ARG2: variants seen among roughly 807,000 people sequenced by gnomAD.
ARG2 encodes arginase-2, mitochondrial.
In ARG2, 21 loss-of-function variants were observed where a neutral mutation model predicts 39.4. That is an observed-to-expected ratio of 0.53 (90% CI 0.38 to 0.77). The LOEUF is 0.77. Ranked by LOEUF, ARG2 falls within the 30% of genes least tolerant of loss-of-function variation. The pLI, the probability that ARG2 is intolerant of heterozygous loss-of-function variation, is 0.00. For synonymous variants in ARG2, 150 were observed against 156.7 expected, an observed-to-expected ratio of 0.96 and a Z score of 0.32; for missense variants, 378 against 426.2, an observed-to-expected ratio of 0.89 and a Z score of 1.00.
intron 2 of ARG2, among the ~76,000 whole-genome samples, chr14:67,627,256 G>GATAGATATATATATATATAT (rs1555379492): frequency 2.2e-5 from 3 of 133,746 alleles, no homozygotes; most frequent in Admixed American, 7.7e-5. Flanking sequence ...TCAGTAAGGA[G>GATAGATATATATATATATAT]ATATATATAT....
At chr14:67,623,661 C>T (rs1331845209) in intron 2 of ARG2, among the ~76,000 whole-genome samples, 1 of 149,668 alleles carries the variant, frequency 6.7e-6, no homozygotes, top group African/African-American at 2.4e-5. Context: ...CCTGCCTCAA[C>T]CTCCAAAGTA....
At chr14:67,636,852 G>C (rs1316621169) in intron 2 of ARG2, among the ~76,000 whole-genome samples, 1 of 152,128 alleles carries the variant, frequency 6.6e-6, no homozygotes, top group Non-Finnish European at 1.5e-5. Flanking sequence ...GAAATTTCAG[G>C]CTCCTCTTGT....
At position 67,642,306 on chromosome 14, in the gene ARG2, T is replaced by C; in HGVS notation, c.305T>C (p.Val102Ala). 1.9e-6 allele frequency: 3 copies of C among 1,613,944 alleles called. No individual in the cohort carries two copies. The highest frequency in any genetic ancestry group is 2.5e-6 in the Non-Finnish European group (3 of 1,179,972). The part of the protein sequence containing the change: ...VGLANQELAE[V>A]VSRAVSDGYS... ...CTTGCCAACCAGGAACTGGCTGAGGTGGTTAGCAGAGCTGTGTCAGATGGC... is the reference window on the plus strand; with the variant it reads ...CTTGCCAACCAGGAACTGGCTGAGGCGGTTAGCAGAGCTGTGTCAGATGGC... The change falls in exon 3 of 8, where the codon GTG (valine) becomes GCG (alanine). Residue 102 changes from valine (V) to alanine (A), a missense_variant. Val to Ala is a moderately conservative substitution (Grantham distance 64). Transcript: ENST00000261783.
chr14:67,647,072 C>A, intron 6 of ARG2, 47 bp downstream of exon 6: 2 of 1,154,674 alleles, frequency 1.7e-6, no homozygotes, highest in Non-Finnish European at 2.6e-6. Context: ...ATGGGCAACA[C>A]ACTTTTAGCC....
chr14:67,630,568 T>C (rs988977832), intron 2 of ARG2, among the ~76,000 whole-genome samples: 1 of 152,142 alleles, frequency 6.6e-6, no homozygotes, highest in Non-Finnish European at 1.5e-5. Flanking sequence ...TTAGTAAATA[T>C]AGTTTTTATG....
chr14:67,637,851 C>T (rs1465673590), intron 2 of ARG2, among the ~76,000 whole-genome samples: 2 of 152,246 alleles, frequency 1.3e-5, no homozygotes, highest in Non-Finnish European at 2.9e-5. Context: ...AAAATCCATT[C>T]GCATTCTGTT....
intron 2 of ARG2, among the ~76,000 whole-genome samples, chr14:67,641,513 C>T (rs1320823946): frequency 6.6e-6 from 1 of 152,194 alleles, no homozygotes; most frequent in Non-Finnish European, 1.5e-5. Context: ...TTGCCTCACA[C>T]AACTGTTTTG....
intron 6 of ARG2, 47 bp downstream of exon 6, chr14:67,647,072 C>T: frequency 8.7e-7 from 1 of 1,154,674 alleles, no homozygotes; most frequent in South Asian, 1.3e-5. Context: ...ATGGGCAACA[C>T]ACTTTTAGCC....
chr14:67,628,413 T>C (rs1478949105), intron 2 of ARG2, among the ~76,000 whole-genome samples: 1 of 152,206 alleles, frequency 6.6e-6, no homozygotes. Context: ...AGGAGGTGAA[T>C]ACATAATCAG....
intron 3 of ARG2, 57 bp from the exon 4 acceptor site, chr14:67,645,586 G>A: frequency 6.4e-7 from 1 of 1,571,604 alleles, no homozygotes; most frequent in Non-Finnish European, 8.6e-7. Flanking sequence ...GAGGACGTTT[G>A]TTATCGGTCA....
At chr14:67,643,951 A>T (rs561977627) in intron 3 of ARG2, among the ~76,000 whole-genome samples, 45 of 150,872 alleles carry the variant, frequency 3.0e-4, no homozygotes, top group African/African-American at 1.1e-3. Flanking sequence ...CAATTAAATC[A>T]ACCAGAGGGC....
At position 67,646,685 on chromosome 14, in the gene ARG2, CT is replaced by C; in HGVS notation, c.565del (p.Ser189LeufsTer10). The C allele has an allele frequency of 6.2e-7, 1 of 1,613,822 alleles. No homozygotes were observed. Among genetic ancestry groups the C allele is most frequent in the Non-Finnish European group, 8.5e-7 (1 of 1,179,742 alleles). Reference protein sequence around the residue: ...PGFSWIKPCISSASIVYIGLR... With the variant: ...PGFSWIKPCIXSASIVYIGLR... Reference sequence around the variant, plus strand: ...GATTTTCCTGGATCAAACCTTGTATCTCTTCTGCAAGTATTGTGTATATTGG... The same window carrying C: ...GATTTTCCTGGATCAAACCTTGTATCCTTCTGCAAGTATTGTGTATATTGG... On this transcript the variant is annotated frameshift_variant, in exon 5 of 8. Transcript: ENST00000261783. LOFTEE classifies it high-confidence loss of function.
At chr14:67,639,633 A>G (rs1422885284) in intron 2 of ARG2, among the ~76,000 whole-genome samples, 1 of 152,156 alleles carries the variant, frequency 6.6e-6, no homozygotes, top group African/African-American at 2.4e-5. Flanking sequence ...CAAGATCTGT[A>G]CAGTACACTG....
Position 67,651,473 on chromosome 14 carries a change from G to T in ARG2, c.*553G>T. On this transcript the variant is annotated 3_prime_UTR_variant, in exon 8 of 8. Transcript: ENST00000261783. ...GATAATGGAAAGCAGCAGCTTGTTG[G>T]TTGTCACTCTACAAAGAGAAGCAAA... 1 of 1,613,768 alleles carries T rather than the reference G, an allele frequency of 6.2e-7. No homozygotes were observed. Among genetic ancestry groups the T allele is most frequent in the Non-Finnish European group, 8.5e-7 (1 of 1,179,718 alleles).
At chr14:67,642,465 A>G in intron 3 of ARG2, 102 bp downstream of exon 3, 1 of 1,349,330 alleles carries the variant, frequency 7.4e-7, no homozygotes. Context: ...AAAATACCCT[A>G]CAGAATTTTT....
chr14:67,631,530 G>A (rs894262994), intron 2 of ARG2, among the ~76,000 whole-genome samples: 1 of 147,568 alleles, frequency 6.8e-6, no homozygotes, highest in Admixed American at 6.9e-5. Flanking sequence ...CCACCTCCCA[G>A]GTTCAAACGA....
chr14:67,627,201 G>A (rs576395137), intron 2 of ARG2, among the ~76,000 whole-genome samples: 49 of 149,112 alleles, frequency 3.3e-4, no homozygotes, highest in Admixed American at 2.1e-3. Flanking sequence ...GAATTTTATG[G>A]TATGTGAATT....
chr14:67,648,004 T>G, intron 6 of ARG2, 43 bp from the exon 7 acceptor site: 5 of 1,531,656 alleles, frequency 3.3e-6, no homozygotes, highest in Non-Finnish European at 4.4e-6. Context: ...GGACAACCAG[T>G]TAAGTATTAT....
intron 2 of ARG2, among the ~76,000 whole-genome samples, chr14:67,621,946 A>C (rs2036815108): frequency 1.3e-5 from 2 of 151,916 alleles, no homozygotes; most frequent in East Asian, 2.0e-4. Flanking sequence ...AAAATACAAA[A>C]ATTAGTCAGG....
Sources: allele counts gnomAD v4.1 joint callset (sites outside exome capture counted in the v4.1 genomes callset), GRCh38; gene constraint gnomAD v4.1.1; transcripts MANE v1.5; gene names NCBI Gene and HGNC (gene_info 2026-07-23, HGNC 2026-07-21).